TMEM30A: variants seen among roughly 807,000 people sequenced by gnomAD.
The protein encoded by TMEM30A is cell cycle control protein 50A.
In TMEM30A, 24 loss-of-function variants were observed where a neutral mutation model predicts 38.2. The observed-to-expected ratio is 0.63, with a 90% confidence interval of 0.46 to 0.88. TMEM30A has a LOEUF of 0.88. Ranked by LOEUF, TMEM30A falls within the 40% of genes least tolerant of loss-of-function variation. The pLI is 0.00. For missense variants in TMEM30A, 370 were observed against 458.6 expected, an observed-to-expected ratio of 0.81 and a Z score of 1.77; for synonymous variants, 145 against 161.6, an observed-to-expected ratio of 0.90 and a Z score of 0.78.
intron 1 of TMEM30A, 67 bp downstream of exon 1, chr6:75,284,335 G>A (rs1168597151): frequency 6.8e-7 from 1 of 1,467,762 alleles, no homozygotes; most frequent in Admixed American, 1.7e-5. Context: ...TGGGAAAGAA[G>A]TGGAGTGGGC....
At chr6:75,277,857 C>A (rs192809707) in intron 1 of TMEM30A, among the ~76,000 whole-genome samples, 1 of 152,064 alleles carries the variant, frequency 6.6e-6, no homozygotes, top group East Asian at 1.9e-4. Flanking sequence ...CAGTGCGCTA[C>A]GACTGTACCA....
intron 1 of TMEM30A, among the ~76,000 whole-genome samples, chr6:75,281,003 G>A (rs911601988): frequency 1.3e-5 from 2 of 151,882 alleles, no homozygotes; most frequent in Non-Finnish European, 2.9e-5. Context: ...TTAAATAATC[G>A]AGGGCAGTAA....
chr6:75,262,068 C>T (rs980234777), intron 3 of TMEM30A, among the ~76,000 whole-genome samples: 3 of 152,126 alleles, frequency 2.0e-5, no homozygotes, highest in South Asian at 2.1e-4. Context: ...TGATGAGGGC[C>T]GGGTGCGGTG....
chr6:75,266,211 A>T, intron 2 of TMEM30A, among the ~76,000 whole-genome samples: 1 of 152,170 alleles, frequency 6.6e-6, no homozygotes, highest in East Asian at 1.9e-4. Context: ...AATTAAAAGT[A>T]ATTCAGTAAC....
chr6:75,256,875 AAGG>A, intron 6 of TMEM30A: 1 of 412,162 alleles, frequency 2.4e-6, no homozygotes, highest in Non-Finnish European at 4.8e-6. Flanking sequence ...GTGGGCTGTT[AAGG>A]AGATTTAGGA....
intron 5 of TMEM30A, 105 bp downstream of exon 5, chr6:75,259,242 T>C (rs1771921822): frequency 7.8e-7 from 1 of 1,275,094 alleles, no homozygotes; most frequent in Non-Finnish European, 1.1e-6. Context: ...GAAAGAAAAA[T>C]TGTGTTTTTC....
intron 6 of TMEM30A, among the ~76,000 whole-genome samples, chr6:75,257,340 T>G (rs180749944): frequency 1.3e-5 from 2 of 152,266 alleles, no homozygotes; most frequent in Non-Finnish European, 2.9e-5. Context: ...AGGTCCAAAT[T>G]CCTGTCTTAT....
intron 1 of TMEM30A, among the ~76,000 whole-genome samples, chr6:75,282,145 A>C (rs1296764312): frequency 1.3e-5 from 2 of 152,234 alleles, no homozygotes; most frequent in Admixed American, 6.5e-5. Flanking sequence ...GACGCAGTCT[A>C]ATCTGAATCT....
chr6:75,265,030 G>A (rs1388122097), intron 3 of TMEM30A, among the ~76,000 whole-genome samples: 1 of 151,946 alleles, frequency 6.6e-6, no homozygotes, highest in African/African-American at 2.4e-5. Context: ...CTGGGGGGTG[G>A]AGGTTGCAGT....
chr6:75,268,402 T>C (rs1772102657), intron 1 of TMEM30A, among the ~76,000 whole-genome samples: 1 of 152,196 alleles, frequency 6.6e-6, no homozygotes, highest in Admixed American at 6.5e-5. Context: ...CCCAGCCCAA[T>C]CTCTTAGGAG....
At chr6:75,274,667 CCT>C (rs1772229811) in intron 1 of TMEM30A, among the ~76,000 whole-genome samples, 1 of 152,064 alleles carries the variant, frequency 6.6e-6, no homozygotes, top group South Asian at 2.1e-4. Flanking sequence ...CATGAAAAAC[CCT>C]ATGGATGGTG....
At chr6:75,262,240 A>G (rs1771977707) in intron 3 of TMEM30A, among the ~76,000 whole-genome samples, 1 of 152,098 alleles carries the variant, frequency 6.6e-6, no homozygotes, top group African/African-American at 2.4e-5. Flanking sequence ...CCAACTACTT[A>G]GGAGGGTGAG....
intron 3 of TMEM30A, among the ~76,000 whole-genome samples, chr6:75,261,997 T>A (rs1490105799): frequency 6.6e-6 from 1 of 152,230 alleles, no homozygotes; most frequent in Non-Finnish European, 1.5e-5. Context: ...ACTATCTATG[T>A]GTCAGGTACT....
intron 1 of TMEM30A, among the ~76,000 whole-genome samples, chr6:75,274,461 G>C (rs1299938819): frequency 6.6e-6 from 1 of 152,230 alleles, no homozygotes; most frequent in Non-Finnish European, 1.5e-5. Flanking sequence ...AATGTGCAGA[G>C]AGATTAAAGA....
chr6:75,283,920 C>T (rs913576901), intron 1 of TMEM30A, among the ~76,000 whole-genome samples: 2 of 152,174 alleles, frequency 1.3e-5, no homozygotes, highest in Non-Finnish European at 2.9e-5. Flanking sequence ...GTTCTTCTCC[C>T]AACAATGGCC....
chr6:75,263,423 C>T (rs111696949), intron 3 of TMEM30A, among the ~76,000 whole-genome samples: 1 of 152,088 alleles, frequency 6.6e-6, no homozygotes, highest in African/African-American at 2.4e-5. Context: ...TGAGAATGGC[C>T]TGGAAAGGAG....
intron 3 of TMEM30A, among the ~76,000 whole-genome samples, chr6:75,262,167 C>A (rs148409201): frequency 6.6e-6 from 1 of 151,966 alleles, no homozygotes; most frequent in East Asian, 1.9e-4. Flanking sequence ...GGCAACATGG[C>A]GAAATCCCAT....
intron 4 of TMEM30A, 145 bp from the exon 5 acceptor site, chr6:75,259,635 T>G (rs1771930928): frequency 1.7e-6 from 1 of 592,972 alleles, no homozygotes; most frequent in South Asian, 3.5e-5. Context: ...TGTTCTTTAT[T>G]CCTATGTGGA....
chr6:75,272,917 G>C (rs1582283170), intron 1 of TMEM30A: 1 of 152,208 alleles, frequency 6.6e-6, no homozygotes, highest in East Asian at 1.9e-4. Flanking sequence ...ACAAGAGCTA[G>C]ACTCAGCAAT....
Sources: gnomAD v4.1 joint callset for allele counts (sites outside exome capture counted in the v4.1 genomes callset) on GRCh38, gnomAD v4.1.1 for gene constraint, MANE v1.5 for transcripts, NCBI Gene and HGNC (gene_info 2026-07-23, HGNC 2026-07-21) for gene names.